The following NCOA1 variants were observed in gnomAD, a reference collection of about 807,000 sequenced individuals.
NCOA1 encodes Hin-2 protein.
A neutral mutation model predicts 150.9 loss-of-function variants in NCOA1; 35 were observed. The ratio of observed to expected loss-of-function variants is 0.23; its 90% CI spans 0.18 to 0.31. NCOA1 has a LOEUF of 0.31. Ranked by LOEUF, NCOA1 falls within the 10% of genes least tolerant of loss-of-function variation. The pLI is 1.00. For synonymous variants in NCOA1, 590 were observed against 630.0 expected (o/e 0.94, Z 0.95); for missense variants, 1,491 against 1,749.3 (o/e 0.85, Z 2.63).
chr2:24,537,332 A>G (rs534065143), intron 1 of NCOA1, among the ~76,000 whole-genome samples: 1 of 152,154 alleles, frequency 6.6e-6, no homozygotes, highest in Non-Finnish European at 1.5e-5. Context: ...GCCACAACGG[A>G]TGGACCTGGA....
At chr2:24,724,404 A>C (rs1674506330) in intron 14 of NCOA1, among the ~76,000 whole-genome samples, 1 of 152,216 alleles carries the variant, frequency 6.6e-6, no homozygotes, top group South Asian at 2.1e-4. Flanking sequence ...GCATACCTTC[A>C]CATTTTTTAC....
intron 18 of NCOA1, among the ~76,000 whole-genome samples, chr2:24,740,282 A>G (rs752159307): frequency 6.6e-6 from 1 of 152,176 alleles, no homozygotes; most frequent in Non-Finnish European, 1.5e-5. Context: ...AAAGACAGGG[A>G]TATGTTCTGA....
intron 4 of NCOA1, among the ~76,000 whole-genome samples, chr2:24,655,015 G>A (rs1670870951): frequency 1.3e-5 from 2 of 152,038 alleles, no homozygotes; most frequent in Admixed American, 6.6e-5. Context: ...TTTTTCTCCA[G>A]AGTAAGTATT....
intron 6 of NCOA1, among the ~76,000 whole-genome samples, chr2:24,672,165 T>C (rs191352961): frequency 2.6e-4 from 39 of 151,966 alleles, no homozygotes; most frequent in African/African-American, 9.4e-4. Flanking sequence ...ATCATACATA[T>C]GTAGTAAAAG....
intron 1 of NCOA1, among the ~76,000 whole-genome samples, chr2:24,531,852 A>G (rs1203599886): frequency 3.3e-5 from 5 of 152,172 alleles, no homozygotes; most frequent in East Asian, 1.9e-4. Context: ...AATCCAGTCT[A>G]TCATTGATGG....
At chr2:24,569,168 T>G (rs189098165) in intron 2 of NCOA1, among the ~76,000 whole-genome samples, 4 of 152,320 alleles carry the variant, frequency 2.6e-5, no homozygotes, top group Admixed American at 2.6e-4. Context: ...GTAAAACTTG[T>G]GGATGTAAGC....
chr2:24,672,552 A>C (rs970439033), intron 6 of NCOA1, among the ~76,000 whole-genome samples: 2 of 151,718 alleles, frequency 1.3e-5, no homozygotes, highest in African/African-American at 4.8e-5. Flanking sequence ...GCACCACCAC[A>C]CCTAGCTAAT....
chr2:24,516,443 C>T (rs763825521), intron 1 of NCOA1, among the ~76,000 whole-genome samples: 8 of 151,510 alleles, frequency 5.3e-5, no homozygotes, highest in African/African-American at 1.2e-4. Flanking sequence ...CTGCTAGCCT[C>T]GGCCTCCCAA....
chr2:24,678,675 G>T (rs150075076), intron 7 of NCOA1, among the ~76,000 whole-genome samples: 2 of 152,288 alleles, frequency 1.3e-5, no homozygotes, highest in East Asian at 3.9e-4. Context: ...TTGGCTGCAT[G>T]AATGTTTTCT....
intron 1 of NCOA1, among the ~76,000 whole-genome samples, chr2:24,510,596 G>C (rs1021157427): frequency 1.4e-4 from 21 of 152,126 alleles, no homozygotes; most frequent in South Asian, 2.1e-4. Flanking sequence ...TCCTGCCTCA[G>C]CCTCTTCGTA....
intron 2 of NCOA1, among the ~76,000 whole-genome samples, chr2:24,574,299 C>G (rs1666860623): frequency 6.6e-6 from 1 of 152,024 alleles, no homozygotes; most frequent in Non-Finnish European, 1.5e-5. Flanking sequence ...ATCCAGCTAG[C>G]TCCAGAACCA....
At chr2:24,674,123 ATGTGTGTGTG>A (rs146841550) in intron 7 of NCOA1, among the ~76,000 whole-genome samples, 52 of 145,594 alleles carry the variant, frequency 3.6e-4, no homozygotes, top group African/African-American at 1.2e-3. Flanking sequence ...ATATGTATGT[ATGTGTGTGTG>A]TGTGTGTGTG....
At chr2:24,741,158 G>GT (rs1230759369) in intron 18 of NCOA1, among the ~76,000 whole-genome samples, 8 of 151,920 alleles carry the variant, frequency 5.3e-5, no homozygotes, top group Admixed American at 2.6e-4. Flanking sequence ...GTATTTGTAG[G>GT]TTTTTTCTAA....
At chr2:24,732,542 A>T (rs1203827712) in intron 17 of NCOA1, among the ~76,000 whole-genome samples, 2 of 152,160 alleles carry the variant, frequency 1.3e-5, no homozygotes, top group African/African-American at 4.8e-5. Flanking sequence ...GTGTCCACTT[A>T]AGGGCTTTCT....
At chr2:24,687,478 A>G (rs906138400) in intron 8 of NCOA1, among the ~76,000 whole-genome samples, 9 of 151,916 alleles carry the variant, frequency 5.9e-5, no homozygotes, top group Admixed American at 2.6e-4. Context: ...GTATTAGTCC[A>G]TTTTCACACT....
Position 24,715,391 on chromosome 2 carries a change from C to T in NCOA1, c.2599+4280C>T, listed in dbSNP as rs559915323. 2.7e-4 allele frequency among the ~76,000 whole-genome samples: 41 copies of T among 152,084 alleles called. No individual in the cohort carries two copies. The South Asian group carries it at 8.5e-3, about 32-fold the overall frequency. ...CAAAAATGGGGTAGAATAAATGAGA[C>T]AATACTCTTTTCTACAAAATAGTAT... On this transcript the variant is annotated intron_variant, in intron 14 of 22. Transcript: ENST00000348332.
At chr2:24,539,444 T>G (rs542661616) in intron 1 of NCOA1, among the ~76,000 whole-genome samples, 2 of 152,252 alleles carry the variant, frequency 1.3e-5, no homozygotes, top group South Asian at 2.1e-4. Context: ...ATGAGGGATA[T>G]TGCGTGGGGA....
intron 2 of NCOA1, among the ~76,000 whole-genome samples, chr2:24,571,641 T>C (rs1334171496): frequency 3.3e-5 from 5 of 152,242 alleles, no homozygotes; most frequent in African/African-American, 7.2e-5. Context: ...CTCCAGTCTT[T>C]CTTTTGTTTC....
chr2:24,520,545 TAATC>T (rs1409356586), intron 1 of NCOA1, among the ~76,000 whole-genome samples: 2 of 152,202 alleles, frequency 1.3e-5, no homozygotes, highest in African/African-American at 4.8e-5. Context: ...ACATGCATCT[TAATC>T]AATAGTGAAA....
Sources: allele counts gnomAD v4.1 joint callset (sites outside exome capture counted in the v4.1 genomes callset), GRCh38; gene constraint gnomAD v4.1.1; transcripts MANE v1.5; gene names NCBI Gene and HGNC (gene_info 2026-07-23, HGNC 2026-07-21).